DDC: variants seen among roughly 807,000 people sequenced by gnomAD.
DDC encodes the protein dopa decarboxylase, also known as aromatic-L-amino-acid decarboxylase.
A neutral mutation model predicts 60.0 loss-of-function variants in DDC; 43 were observed. The observed-to-expected ratio is 0.72, with a 90% CI of 0.56 to 0.92. The LOEUF (loss-of-function observed/expected upper bound fraction) is 0.92, where lower values mean the gene tolerates loss of function less well. Ranked by LOEUF, DDC falls within the 40% of genes least tolerant of loss-of-function variation. DDC has a pLI of 0.00. For missense variants in DDC, 573 were observed against 620.2 expected, an observed-to-expected ratio of 0.92 and a Z score of 0.81; for synonymous variants, 232 against 234.6, an observed-to-expected ratio of 0.99 and a Z score of 0.10.
chr7:50,505,249 A>G (rs758247632), intron 6 of DDC, among the ~76,000 whole-genome samples: 1 of 152,248 alleles, frequency 6.6e-6, no homozygotes, highest in Non-Finnish European at 1.5e-5. Context: ...TTTGCTGGAC[A>G]TTGCATAGAT....
chr7:50,546,139 T>C (rs1388893240), intron 1 of DDC, among the ~76,000 whole-genome samples: 2 of 152,190 alleles, frequency 1.3e-5, no homozygotes, highest in African/African-American at 4.8e-5. Flanking sequence ...TTATTAGCAA[T>C]GGTGATGACC....
chr7:50,559,944 C>A (rs972943514), intron 1 of DDC, among the ~76,000 whole-genome samples: 5 of 152,242 alleles, frequency 3.3e-5, no homozygotes, highest in African/African-American at 1.2e-4. Flanking sequence ...ATTTTCTTCA[C>A]ACTGGCTGTG....
intron 14 of DDC, chr7:50,459,749 G>A (rs1057059104): frequency 1.8e-4 from 29 of 159,376 alleles, no homozygotes; most frequent in East Asian, 3.7e-4. Flanking sequence ...AGTGAGGAGC[G>A]TCTCTGCCCG....
intron 9 of DDC, 35 bp from the exon 10 acceptor site, chr7:50,479,898 C>A: frequency 6.4e-7 from 1 of 1,572,736 alleles, no homozygotes. Flanking sequence ...GGCTGATAAC[C>A]AAGTACCCTA....
At chr7:50,523,093 A>G (rs747838009) in intron 6 of DDC, among the ~76,000 whole-genome samples, 9 of 152,224 alleles carry the variant, frequency 5.9e-5, no homozygotes, top group Non-Finnish European at 1.2e-4. Context: ...GAGCCAAACC[A>G]TATCAACATC....
chr7:50,503,435 G>A (rs2043306414), intron 7 of DDC, among the ~76,000 whole-genome samples: 2 of 152,188 alleles, frequency 1.3e-5, no homozygotes, highest in African/African-American at 4.8e-5. Flanking sequence ...AGAAAACCTA[G>A]GATCTCTGAA....
intron 14 of DDC, among the ~76,000 whole-genome samples, chr7:50,461,129 C>T (rs78551755): frequency 0.021 from 3,237 of 151,366 alleles, 127 homozygotes; most frequent in African/African-American, 0.072. Context: ...ATATAAAGAA[C>T]GAACGTATAA....
chr7:50,461,016 C>T (rs149142035), intron 14 of DDC, among the ~76,000 whole-genome samples: 5,675 of 150,816 alleles, frequency 0.038, 173 homozygotes, highest in Non-Finnish European at 0.062. Context: ...GCCAAATCCC[C>T]CTCTGTGAGA....
chr7:50,527,930 T>A (rs1186595897), intron 6 of DDC: 1 of 531,248 alleles, frequency 1.9e-6, no homozygotes. Flanking sequence ...AGAGTCTTGC[T>A]CTGTCACACA....
intron 7 of DDC, among the ~76,000 whole-genome samples, chr7:50,499,822 A>G (rs1225644068): frequency 6.6e-6 from 1 of 152,164 alleles, no homozygotes; most frequent in Non-Finnish European, 1.5e-5. Flanking sequence ...TGCCTCATTC[A>G]GGAGCTGGGA....
chr7:50,530,667 T>G lies in DDC; in HGVS notation c.436-1325A>C, dbSNP rs548614326. Reference sequence around the variant, plus strand: ...AGGAGTGAGCCCACGCCTGCGCTTTTTAGGGTGCCATGGGCCTAGAAAGGT... The same window carrying G: ...AGGAGTGAGCCCACGCCTGCGCTTTGTAGGGTGCCATGGGCCTAGAAAGGT... On this transcript the variant is annotated intron_variant, in intron 4 of 14. Transcript: ENST00000444124. Among the ~76,000 whole-genome samples the G allele has an allele frequency of 3.3e-5, 5 of 149,672 alleles. No individual in the cohort carries two copies. In the South Asian group the frequency reaches 6.4e-4, roughly 19 times the overall value.
At chr7:50,529,667 GTC>G (rs1361857862) in intron 4 of DDC, among the ~76,000 whole-genome samples, 3 of 152,192 alleles carry the variant, frequency 2.0e-5, no homozygotes, top group Non-Finnish European at 4.4e-5. Flanking sequence ...GACTGCTCCT[GTC>G]TCTATCAGAG....
intron 4 of DDC, among the ~76,000 whole-genome samples, chr7:50,534,276 G>A (rs1211898076): frequency 1.3e-5 from 2 of 152,120 alleles, no homozygotes; most frequent in East Asian, 3.9e-4. Flanking sequence ...CCTTTCAGAA[G>A]GCCTGCTCCT....
At position 50,528,155 on chromosome 7, in the gene DDC, A is replaced by T. The variant is rs774052203; in HGVS notation, c.696T>A (p.Ala232=). 9 of 1,613,264 alleles carry T rather than the reference A, an allele frequency of 5.6e-6. No individual in the cohort carries two copies. Among genetic ancestry groups the T allele is most frequent in the Non-Finnish European group, 7.6e-6 (9 of 1,180,040 alleles). ...AACTTACAAAGAAAGGAATCAGGCC[A>T]GCCGCTTTGTCTCTCTCCAGGGCTT... is the stretch of plus-strand genomic sequence containing the variant. ...LQEALERDKA[A]GLIPFFMVAT... Residue 232 remains alanine (A), a synonymous_variant, in exon 6 of 15, where the codon GCT becomes GCA. Transcript: ENST00000444124.
At chr7:50,562,965 G>C (rs1472308655) in intron 1 of DDC, among the ~76,000 whole-genome samples, 1 of 152,208 alleles carries the variant, frequency 6.6e-6, no homozygotes, top group South Asian at 2.1e-4. Flanking sequence ...TCAGGAGTTC[G>C]AGACCACCCT....
At chr7:50,539,700 G>A in intron 3 of DDC, 2 of 555,584 alleles carry the variant, frequency 3.6e-6, no homozygotes, top group Non-Finnish European at 6.6e-6. Context: ...GTGCAGAATG[G>A]GCTTTGAGTT....
chr7:50,523,489 C>T (rs1396931991), intron 6 of DDC, among the ~76,000 whole-genome samples: 1 of 151,882 alleles, frequency 6.6e-6, no homozygotes, highest in Non-Finnish European at 1.5e-5. Context: ...TGAAACAATC[C>T]AATTAAAAAG....
At chr7:50,506,289 A>G (rs1281156804) in intron 6 of DDC, among the ~76,000 whole-genome samples, 1 of 152,088 alleles carries the variant, frequency 6.6e-6, no homozygotes, top group Non-Finnish European at 1.5e-5. Flanking sequence ...ATGATTTTGC[A>G]TTTCAAAGGT....
chr7:50,490,279 CA>C (rs1446592334), intron 9 of DDC, among the ~76,000 whole-genome samples: 1 of 152,214 alleles, frequency 6.6e-6, no homozygotes, highest in Non-Finnish European at 1.5e-5. Flanking sequence ...CTAGGAACCT[CA>C]AGTTCTCTTG....
Sources: allele counts gnomAD v4.1 joint callset (sites outside exome capture counted in the v4.1 genomes callset), GRCh38; gene constraint gnomAD v4.1.1; transcripts MANE v1.5; gene names NCBI Gene and HGNC (gene_info 2026-07-23, HGNC 2026-07-21).